Variants in CARF observed in about 807,000 individuals in gnomAD.
The protein encoded by CARF is calcium-responsive transcription factor.
In CARF, 57 loss-of-function variants were observed where a neutral mutation model predicts 82.0. The ratio of observed to expected loss-of-function variants is 0.70; its 90% CI spans 0.56 to 0.87. The LOEUF (loss-of-function observed/expected upper bound fraction) is 0.87. Ranked by LOEUF, CARF falls within the 40% of genes least tolerant of loss-of-function variation. The pLI is 0.00. For synonymous variants in CARF, 268 were observed against 290.1 expected (o/e 0.92, Z 0.77); for missense variants, 771 against 855.8 (o/e 0.90, Z 1.24).
chr2:202,972,764 C>T (rs1225291470), intron 12 of CARF, among the ~76,000 whole-genome samples: 1 of 149,114 alleles, frequency 6.7e-6, no homozygotes, highest in Admixed American at 6.7e-5. Flanking sequence ...ATTTATGATA[C>T]TTAGCCTTGC....
At chr2:202,940,949 G>A (rs1021726409) in intron 3 of CARF, among the ~76,000 whole-genome samples, 1 of 151,918 alleles carries the variant, frequency 6.6e-6, no homozygotes, top group Admixed American at 6.6e-5. Flanking sequence ...ATGTTTTGTA[G>A]CAAGACAGTT....
At chr2:202,921,382 A>G (rs1327163069) in intron 2 of CARF, among the ~76,000 whole-genome samples, 1 of 152,202 alleles carries the variant, frequency 6.6e-6, no homozygotes, top group Non-Finnish European at 1.5e-5. Context: ...TTACCTTGCC[A>G]TCAGACAGCT....
intron 1 of CARF, among the ~76,000 whole-genome samples, chr2:202,914,644 T>TG (rs1021424257): frequency 1.3e-5 from 2 of 151,654 alleles, no homozygotes; most frequent in East Asian, 1.9e-4. Context: ...CCAGGCATGG[T>TG]GGGGGGTGCC....
chr2:202,943,121 G>C (rs2058312051), intron 5 of CARF, among the ~76,000 whole-genome samples, 154 bp downstream of exon 5: 1 of 151,988 alleles, frequency 6.6e-6, no homozygotes, highest in African/African-American at 2.4e-5. Context: ...GCCCAGGCTG[G>C]AGTGCAATGG....
At chr2:202,937,001 A>G (rs1694053946) in intron 3 of CARF, among the ~76,000 whole-genome samples, 1 of 152,174 alleles carries the variant, frequency 6.6e-6, no homozygotes, top group African/African-American at 2.4e-5. Context: ...GTTCAACATC[A>G]TTCGTTTTCA....
chr2:202,956,257 T>G (rs764153292), intron 8 of CARF, among the ~76,000 whole-genome samples: 2 of 151,944 alleles, frequency 1.3e-5, no homozygotes, highest in Non-Finnish European at 2.9e-5. Context: ...ATTTATGTAT[T>G]TATTTATTTA....
At chr2:202,923,067 C>G (rs1005959083) in intron 2 of CARF, among the ~76,000 whole-genome samples, 7 of 151,974 alleles carry the variant, frequency 4.6e-5, no homozygotes, top group African/African-American at 1.7e-4. Context: ...CATGGTGAAA[C>G]CCCATCTCTA....
intron 5 of CARF, among the ~76,000 whole-genome samples, chr2:202,949,328 G>A (rs1474121472): frequency 6.9e-6 from 1 of 144,302 alleles, no homozygotes; most frequent in African/African-American, 2.5e-5. Flanking sequence ...GGGCAACAGA[G>A]CAAGACTCCA....
At chr2:202,945,037 A>G (rs1004983698) in intron 5 of CARF, among the ~76,000 whole-genome samples, 1 of 152,058 alleles carries the variant, frequency 6.6e-6, no homozygotes, top group African/African-American at 2.4e-5. Context: ...TGAAGCATGG[A>G]AAAAAAATGT....
Position 202,941,906 on chromosome 2 carries a change from G to A in CARF, c.4G>A (p.Glu2Lys), listed in dbSNP as rs2058245924. Reference protein sequence around the residue: MEQSNDSLRVNH... With the variant: MKQSNDSLRVNH... ...TGGAATTGAATATGATGTCAGCATG[G>A]AACAATCTAATGATTCATTAAGAGT... Residue 2 changes from glutamate (E) to lysine (K), a missense_variant, in exon 4 of 17, where the codon GAA becomes AAA. Coordinates refer to ENST00000438828, the MANE Select transcript of CARF (RefSeq NM_024744.17). The A allele has an allele frequency of 1.2e-6, 2 of 1,611,710 alleles. No homozygotes were observed. The highest frequency in any genetic ancestry group is 1.7e-5 in the Admixed American group (1 of 59,930).
At chr2:202,964,749 C>T (rs1482708477) in intron 9 of CARF, among the ~76,000 whole-genome samples, 1 of 151,832 alleles carries the variant, frequency 6.6e-6, no homozygotes, top group Non-Finnish European at 1.5e-5. Context: ...CCTTACACTT[C>T]CTCATTCCCT....
At chr2:202,963,620 G>A (rs929928738) in intron 9 of CARF, among the ~76,000 whole-genome samples, 2 of 152,140 alleles carry the variant, frequency 1.3e-5, no homozygotes, top group African/African-American at 2.4e-5. Context: ...ATTGTAATAT[G>A]TAATGAAATA....
intron 3 of CARF, among the ~76,000 whole-genome samples, chr2:202,927,910 C>T (rs1692167877): frequency 6.6e-6 from 1 of 151,800 alleles, no homozygotes; most frequent in Admixed American, 6.6e-5. Context: ...AAGCAATCCT[C>T]ACCTAAGCCT....
chr2:202,977,287 A>G lies in CARF; in HGVS notation c.1513A>G (p.Ser505Gly), dbSNP rs1057127278. 1.2e-6 allele frequency: 2 copies of G among 1,612,610 alleles called. No individual in the cohort carries two copies. Among genetic ancestry groups the G allele is most frequent in the Non-Finnish European group, 1.7e-6 (2 of 1,179,116 alleles). The change falls in exon 14 of 17, where the codon AGT becomes GGT. Residue 505 changes from serine to glycine, a missense_variant. Transcript: ENST00000438828. Reference protein sequence around the residue: ...IPATLQWTTDSGNILKETMTV... With the variant: ...IPATLQWTTDGGNILKETMTV... The stretch of plus-strand genomic sequence containing the variant: ...ATTTCAGCTTCAATGGACTACAGAC[A>G]GTGGGAATATTCTCAAAGAGACCAT...
chr2:202,954,889 C>T (rs1001140368), intron 7 of CARF, among the ~76,000 whole-genome samples: 6 of 151,644 alleles, frequency 4.0e-5, no homozygotes, highest in Non-Finnish European at 8.8e-5. Context: ...TGGCCGGCGC[C>T]TGTAGTCCCA....
intron 14 of CARF, 98 bp from the exon 15 acceptor site, chr2:202,981,457 C>T: frequency 1.1e-6 from 1 of 894,998 alleles, no homozygotes. Context: ...GAAAGTATTT[C>T]CTATTTTAGT....
At chr2:202,946,056 A>T (rs766358112) in intron 5 of CARF, among the ~76,000 whole-genome samples, 3 of 152,132 alleles carry the variant, frequency 2.0e-5, no homozygotes, top group African/African-American at 7.2e-5. Flanking sequence ...CATTTCTCTA[A>T]TGATTAGTTA....
intron 2 of CARF, among the ~76,000 whole-genome samples, chr2:202,921,669 G>A (rs897444205): frequency 6.6e-6 from 1 of 152,082 alleles, no homozygotes; most frequent in African/African-American, 2.4e-5. Flanking sequence ...ATGAATATCT[G>A]CTTATAAATA....
intron 11 of CARF, 95 bp downstream of exon 11, chr2:202,970,157 C>T: frequency 8.8e-7 from 1 of 1,137,148 alleles, no homozygotes; most frequent in South Asian, 1.6e-5. Context: ...CCAACTATTT[C>T]ATTAAGTAAC....
Sources: gnomAD v4.1 joint callset for allele counts (sites outside exome capture counted in the v4.1 genomes callset) on GRCh38, gnomAD v4.1.1 for gene constraint, MANE v1.5 for transcripts, NCBI Gene and HGNC (gene_info 2026-07-23, HGNC 2026-07-21) for gene names.